LHFPL6: variants seen among roughly 807,000 people sequenced by gnomAD.
LHFPL6 encodes LHFPL tetraspan subfamily member 6 protein.
Under a neutral mutation model 20.6 loss-of-function variants are expected in LHFPL6, and 9 were observed. The ratio of observed to expected loss-of-function variants is 0.44; its 90% CI spans 0.26 to 0.76. The LOEUF is 0.76. Ranked by LOEUF, LHFPL6 falls within the 30% of genes least tolerant of loss-of-function variation. The pLI, the probability that LHFPL6 is intolerant of heterozygous loss-of-function variation, is 0.20. For synonymous variants in LHFPL6, 105 were observed against 98.7 expected (o/e 1.06, Z -0.38); for missense variants, 218 against 253.5 (o/e 0.86, Z 0.95).
chr13:39,403,122 A>G (rs558795013), intron 2 of LHFPL6, among the ~76,000 whole-genome samples: 9 of 152,368 alleles, frequency 5.9e-5, no homozygotes, highest in South Asian at 4.1e-4. Flanking sequence ...TTAGACTCCC[A>G]TCTATTGAGA....
intron 2 of LHFPL6, among the ~76,000 whole-genome samples, chr13:39,555,084 C>A (rs1438485993): frequency 6.6e-6 from 1 of 152,110 alleles, no homozygotes; most frequent in Admixed American, 6.5e-5. Flanking sequence ...CGAACAAGGC[C>A]AAGTAAGCTT....
intron 2 of LHFPL6, among the ~76,000 whole-genome samples, chr13:39,591,160 T>C (rs915353573): frequency 1.3e-5 from 2 of 152,036 alleles, no homozygotes; most frequent in African/African-American, 4.8e-5. Flanking sequence ...AGTTAAAAAG[T>C]AAAAAATAGT....
intron 2 of LHFPL6, among the ~76,000 whole-genome samples, chr13:39,535,731 C>G (rs1870597875): frequency 6.6e-6 from 1 of 152,124 alleles, no homozygotes; most frequent in Admixed American, 6.5e-5. Context: ...TAAATTAAAG[C>G]AAATAAGAAA....
chr13:39,496,050 ACT>A (rs1193757689), intron 2 of LHFPL6, among the ~76,000 whole-genome samples: 4 of 152,128 alleles, frequency 2.6e-5, no homozygotes, highest in Admixed American at 2.0e-4. Flanking sequence ...GTCAATGGTA[ACT>A]CTATGGAAAA....
At chr13:39,452,479 CA>C (rs1025868843) in intron 2 of LHFPL6, among the ~76,000 whole-genome samples, 1 of 152,138 alleles carries the variant, frequency 6.6e-6, no homozygotes, top group African/African-American at 2.4e-5. Context: ...AATGGAAAAC[CA>C]CAATTGCCTA....
intron 2 of LHFPL6, among the ~76,000 whole-genome samples, chr13:39,455,558 A>G (rs926233360): frequency 5.9e-5 from 9 of 152,194 alleles, no homozygotes; most frequent in Non-Finnish European, 1.0e-4. Flanking sequence ...TTCTAGAGAG[A>G]GCAGAAATGC....
At chr13:39,534,249 C>T (rs1870551640) in intron 2 of LHFPL6, among the ~76,000 whole-genome samples, 1 of 152,126 alleles carries the variant, frequency 6.6e-6, no homozygotes, top group African/African-American at 2.4e-5. Context: ...CAATAGCAAA[C>T]ATTTCTTTTT....
intron 2 of LHFPL6, among the ~76,000 whole-genome samples, chr13:39,562,377 T>C (rs71423198): frequency 0.34 from 40,045 of 118,660 alleles, 8,823 homozygotes; most frequent in Non-Finnish European, 0.41. Context: ...CATATATACA[T>C]ATATACATAT....
intron 2 of LHFPL6, among the ~76,000 whole-genome samples, chr13:39,460,674 C>G (rs1043859335): frequency 2.6e-5 from 4 of 152,176 alleles, no homozygotes; most frequent in Non-Finnish European, 4.4e-5. Context: ...ACTTGAACTC[C>G]TAACAGATGC....
At chr13:39,451,956 A>T (rs1385897375) in intron 2 of LHFPL6, among the ~76,000 whole-genome samples, 1 of 152,198 alleles carries the variant, frequency 6.6e-6, no homozygotes, top group Non-Finnish European at 1.5e-5. Context: ...GTGCGCATGC[A>T]CGTGCATAAG....
At chr13:39,554,166 A>T (rs9548819) in intron 2 of LHFPL6, among the ~76,000 whole-genome samples, 51,284 of 151,974 alleles carry the variant, frequency 0.34, 9,927 homozygotes, top group Non-Finnish European at 0.43. Context: ...ATCTACTTTG[A>T]CTTCTCCCTC....
At chr13:39,512,581 A>C (rs980151984) in intron 2 of LHFPL6, among the ~76,000 whole-genome samples, 1 of 143,554 alleles carries the variant, frequency 7.0e-6, no homozygotes, top group Non-Finnish European at 1.5e-5. Flanking sequence ...CAGCCTGGGC[A>C]ACAGAGCGAG....
At chr13:39,520,379 C>G (rs1312867691) in intron 2 of LHFPL6, among the ~76,000 whole-genome samples, 1 of 152,128 alleles carries the variant, frequency 6.6e-6, no homozygotes, top group Non-Finnish European at 1.5e-5. Flanking sequence ...ACAACCCAAA[C>G]AAGAGTGTGT....
intron 2 of LHFPL6, among the ~76,000 whole-genome samples, chr13:39,595,006 T>C (rs1357371761): frequency 2.0e-5 from 3 of 152,032 alleles, no homozygotes; most frequent in Non-Finnish European, 2.9e-5. Context: ...TTAGGAGATA[T>C]ACCTAATGTT....
At chr13:39,486,576 G>T (rs1464159192) in intron 2 of LHFPL6, among the ~76,000 whole-genome samples, 1 of 152,084 alleles carries the variant, frequency 6.6e-6, no homozygotes, top group Non-Finnish European at 1.5e-5. Flanking sequence ...ACCCCAAGTG[G>T]TTACTATTAC....
chr13:39,468,826 G>A (rs1872868546), intron 2 of LHFPL6, among the ~76,000 whole-genome samples: 2 of 151,668 alleles, frequency 1.3e-5, no homozygotes, highest in Admixed American at 1.3e-4. Context: ...GGGGAATTAA[G>A]GTTATGGTCA....
chr13:39,360,181 C>T lies in LHFPL6; in HGVS notation c.485-16127G>A, dbSNP rs1176365702. 3.1e-5 allele frequency among the ~76,000 whole-genome samples: 3 copies of T among 96,354 alleles called. 1 individual carries two copies. Among genetic ancestry groups the T allele is most frequent in the Non-Finnish European group, 4.9e-5 (2 of 40,818 alleles). The allele number at this position is 96,354 out of a possible 152,430, so 63.2% of individuals were successfully genotyped here. A position where few individuals can be genotyped will look rare whatever the true frequency, so the allele number is the denominator to read the frequency against. On this transcript the variant is annotated intron_variant, in intron 3 of 3. Coordinates refer to ENST00000379589, the MANE Select transcript of LHFPL6 (RefSeq NM_005780.3). ...GATTACAGGAGTCCGCCACCACGCCCGGCTAATTTTTGTATTTTTAGTAGA... is the reference window on the plus strand; with the variant it reads ...GATTACAGGAGTCCGCCACCACGCCTGGCTAATTTTTGTATTTTTAGTAGA...
At chr13:39,463,549 TA>T (rs1872734132) in intron 2 of LHFPL6, among the ~76,000 whole-genome samples, 2 of 152,120 alleles carry the variant, frequency 1.3e-5, no homozygotes, top group Non-Finnish European at 2.9e-5. Context: ...TTATTTGAGG[TA>T]GGGGCGAAGG....
chr13:39,435,261 CA>C (rs1871926760), intron 2 of LHFPL6, among the ~76,000 whole-genome samples: 1 of 151,846 alleles, frequency 6.6e-6, no homozygotes, highest in Admixed American at 6.6e-5. Flanking sequence ...CAACAGATGA[CA>C]AAGTATTGTT....
Sources: gnomAD v4.1 joint callset for allele counts (sites outside exome capture counted in the v4.1 genomes callset) on GRCh38, gnomAD v4.1.1 for gene constraint, MANE v1.5 for transcripts, NCBI Gene and HGNC (gene_info 2026-07-23, HGNC 2026-07-21) for gene names.